SLC24A1: variants seen among roughly 807,000 people sequenced by gnomAD.
SLC24A1 encodes solute carrier family 24 member 1.
In SLC24A1, 52 loss-of-function variants were observed where a neutral mutation model predicts 88.1. The ratio of observed to expected loss-of-function variants is 0.59; its 90% CI spans 0.47 to 0.74. The LOEUF (loss-of-function observed/expected upper bound fraction) is 0.74. Among genes scored for constraint, SLC24A1 ranks in the 30% least tolerant of loss-of-function variants. SLC24A1 has a pLI of 0.00. For missense variants in SLC24A1, 1,173 were observed against 1,363.3 expected (o/e 0.86, Z 2.20); for synonymous variants, 455 against 498.0 (o/e 0.91, Z 1.15).
At position 65,652,701 on chromosome 15, in the gene SLC24A1, C is replaced by G. The variant is rs746274356; in HGVS notation, c.2943C>G (p.Gly981=). The change falls in exon 9 of 10, where the codon GGC becomes GGG. Residue 981 remains glycine (G), a synonymous_variant. Transcript: ENST00000261892. ...EIMGLTILAA[G]TSIPDLITSV... is the part of the protein sequence containing the mutation. ...TGGGCCTGACAATCCTTGCAGCAGG[C>G]ACATCAATTCCTGACCTCATCACCA... 9 of 1,613,862 alleles carry G rather than the reference C, an allele frequency of 5.6e-6. No homozygotes were observed. Among genetic ancestry groups the G allele is most frequent in the South Asian group, 2.2e-5 (2 of 91,084 alleles).
Position 65,625,273 on chromosome 15 carries a change from A to G in SLC24A1, c.1193A>G (p.Lys398Arg). ...TMQVHHCVVVKPTPAMLTTPS... is the reference protein window; with the variant it reads ...TMQVHHCVVVRPTPAMLTTPS... ...CAGGTCCATCACTGTGTGGTTGTGA[A>G]GCCAACCCCAGCCATGCTCACCACT... Residue 398 changes from lysine (K) to arginine (R), a missense_variant, in exon 2 of 10, where the codon AAG (lysine) becomes AGG (arginine). Coordinates refer to ENST00000261892, the MANE Select transcript of SLC24A1 (RefSeq NM_004727.3). 1 of 1,613,894 alleles carries G rather than the reference A, an allele frequency of 6.2e-7. No individual in the cohort carries two copies. The highest frequency in any genetic ancestry group is 1.3e-5 in the African/African-American group (1 of 75,018).
intron 8 of SLC24A1, chr15:65,652,407 T>A (rs546464200): frequency 2.2e-6 from 1 of 454,628 alleles, no homozygotes; most frequent in African/African-American, 2.0e-5. Flanking sequence ...TAACTTTTAG[T>A]CCAATTGTGA....
rs913420951 is a variant in SLC24A1, at chr15:65,652,493, G to A, written c.2884-149G>A. On this transcript the variant is annotated intron_variant, in intron 8 of 9. Transcript: ENST00000261892. The stretch of plus-strand genomic sequence containing the variant: ...CTTCCTCTCTGTGGCCATCTCAGCT[G>A]TCGGTCCCCCTATCACCCTTCCTCA... 25 of 616,306 alleles carry A rather than the reference G, an allele frequency of 4.1e-5. No individual in the cohort carries two copies. In the East Asian group the frequency reaches 6.8e-4, roughly 17 times the overall value. 38.2% of individuals were successfully genotyped at this position (616,306 alleles called of 1,614,324 possible).
At chr15:65,639,530 T>C in intron 3 of SLC24A1, 65 bp from the exon 4 acceptor site, 1 of 969,862 alleles carries the variant, frequency 1.0e-6, no homozygotes, top group Non-Finnish European at 1.6e-6. Flanking sequence ...AGGTTAGTGA[T>C]GCCCTCGTGT....
At chr15:65,652,919 T>C in intron 9 of SLC24A1, 111 bp downstream of exon 9, 1 of 846,552 alleles carries the variant, frequency 1.2e-6, no homozygotes, top group Middle Eastern at 2.4e-4. Flanking sequence ...TAAAAGGGCA[T>C]TTATATTGTT....
chr15:65,623,800 G>C, intron 1 of SLC24A1, among the ~76,000 whole-genome samples, 155 bp from the exon 2 acceptor site: 1 of 152,122 alleles, frequency 6.6e-6, no homozygotes, highest in African/African-American at 2.4e-5. Context: ...TTTTCCTCTG[G>C]AGCAGGGGGC....
At chr15:65,642,206 G>C (rs2075152195) in intron 4 of SLC24A1, among the ~76,000 whole-genome samples, 1 of 152,192 alleles carries the variant, frequency 6.6e-6, no homozygotes, top group Admixed American at 6.5e-5. Context: ...TTGTGTTTTT[G>C]TATGCTGTTT....
chr15:65,623,624 A>C (rs1402449517), intron 1 of SLC24A1, among the ~76,000 whole-genome samples: 3 of 152,144 alleles, frequency 2.0e-5, no homozygotes, highest in Non-Finnish European at 2.9e-5. Flanking sequence ...AGCTCCCAGG[A>C]TCTTAGGCTT....
intron 6 of SLC24A1, among the ~76,000 whole-genome samples, chr15:65,648,545 G>A (rs1469189472): frequency 6.6e-6 from 1 of 150,804 alleles, no homozygotes; most frequent in African/African-American, 2.4e-5. Flanking sequence ...GCAGTGACAC[G>A]ATCTCAGCTC....
intron 9 of SLC24A1, chr15:65,653,068 C>G (rs1401964695): frequency 6.5e-6 from 2 of 308,856 alleles, no homozygotes; most frequent in Non-Finnish European, 1.2e-5. Context: ...ATTCCATTAC[C>G]AAATACCGTC....
chr15:65,618,223 G>GTA (rs1450263003), upstream of SLC24A1, among the ~76,000 whole-genome samples: 1 of 151,992 alleles, frequency 6.6e-6, no homozygotes, highest in African/African-American at 2.4e-5. Context: ...ACGTATGTAT[G>GTA]TATATATGTG....
intron 5 of SLC24A1, among the ~76,000 whole-genome samples, chr15:65,645,368 A>G (rs139381536): frequency 4.5e-4 from 69 of 152,318 alleles, no homozygotes; most frequent in African/African-American, 1.6e-3. Context: ...GCCAGGATGG[A>G]TATGTCTGTG....
At position 65,625,266 on chromosome 15, in the gene SLC24A1, G is replaced by T; in HGVS notation, c.1186G>T (p.Val396Phe). The T allele has an allele frequency of 6.2e-7, 1 of 1,613,926 alleles. No individual in the cohort carries two copies. Among genetic ancestry groups the T allele is most frequent in the Non-Finnish European group, 8.5e-7 (1 of 1,179,868 alleles). Residue 396 changes from valine to phenylalanine, a missense_variant, in exon 2 of 10, where the codon GTT becomes TTT. Val to Phe is a conservative substitution (Grantham distance 50). Coordinates refer to ENST00000261892, the MANE Select transcript of SLC24A1 (RefSeq NM_004727.3). ...KLTMQVHHCV[V>F]VKPTPAMLTT... Reference sequence around the variant, plus strand: ...GACCATGCAGGTCCATCACTGTGTGGTTGTGAAGCCAACCCCAGCCATGCT... The same window carrying T: ...GACCATGCAGGTCCATCACTGTGTGTTTGTGAAGCCAACCCCAGCCATGCT...
Position 65,624,012 on chromosome 15 carries a change from G to A in SLC24A1, c.-69G>A. The A allele has an allele frequency of 4.3e-6, 6 of 1,404,358 alleles. No homozygotes were observed. The highest frequency in any genetic ancestry group is 5.8e-6 in the Non-Finnish European group (6 of 1,035,332). The allele number at this position is 1,404,358 out of a possible 1,614,324, so 87.0% of individuals were successfully genotyped here. A position where few individuals can be genotyped will look rare whatever the true frequency, so the allele number is the denominator to read the frequency against. On this transcript the variant is annotated 5_prime_UTR_variant, in exon 2 of 10. Coordinates refer to ENST00000261892, the MANE Select transcript of SLC24A1 (RefSeq NM_004727.3). ...AGAAATCTTCTCTGATCACCAACCT[G>A]AATCCCAGAGTAGCCTCCATCTTAG...
intron 4 of SLC24A1, chr15:65,642,916 C>T (rs903273470): frequency 3.5e-5 from 34 of 972,616 alleles, no homozygotes; most frequent in Non-Finnish European, 4.1e-5. Flanking sequence ...CCTCTCAGTC[C>T]GTCTGTATTA....
rs2141647556 is a variant in SLC24A1, at chr15:65,644,360, A to C, written c.2054-67A>C. The C allele has an allele frequency of 2.6e-6, 3 of 1,141,348 alleles. No homozygotes were observed. The East Asian group carries it at 7.7e-5, about 29-fold the overall frequency. The allele number at this position is 1,141,348 out of a possible 1,614,324, so 70.7% of individuals were successfully genotyped here. ...TCTGGCTGCTCAGCTGACTGTCCTA[A>C]CTGAAAGGGCGTGGCAGGGATGATC... On this transcript the variant is annotated intron_variant, in intron 4 of 9. Coordinates refer to ENST00000261892, the MANE Select transcript of SLC24A1 (RefSeq NM_004727.3).
In SLC24A1 at chr15:65,651,713, T is replaced by C. The variant is rs2075513039; in HGVS notation, c.2837T>C (p.Met946Thr). The change falls in exon 8 of 10, where the codon ATG becomes ACG. Residue 946 changes from methionine (M) to threonine (T), a missense_variant. Physicochemically the swap from Met to Thr is moderately conservative, Grantham distance 81. Coordinates refer to ENST00000261892, the MANE Select transcript of SLC24A1 (RefSeq NM_004727.3). ...FFVFTFLGSI[M>T]WIAMFSYLMV... ...GTTTTCACCTTCCTGGGATCTATCA[T>C]GTGGATAGCCATGTTCTCATACCTC... 6.2e-7 allele frequency: 1 copy of C among 1,611,274 alleles called. No individual in the cohort carries two copies. Among genetic ancestry groups the C allele is most frequent in the Non-Finnish European group, 8.5e-7 (1 of 1,177,530 alleles).
intron 6 of SLC24A1, among the ~76,000 whole-genome samples, chr15:65,647,905 G>C (rs975650578): frequency 2.6e-5 from 4 of 152,082 alleles, no homozygotes; most frequent in Non-Finnish European, 5.9e-5. Flanking sequence ...AAATGACCAG[G>C]CCCCACCCTC....
Position 65,630,513 on chromosome 15 carries a change from A to G in SLC24A1, c.1890+4543A>G, listed in dbSNP as rs189385980. 9.2e-5 allele frequency among the ~76,000 whole-genome samples: 14 copies of G among 152,190 alleles called. No homozygotes were observed. The East Asian group carries it at 2.3e-3, about 25-fold the overall frequency. ...CCCTGCCTCTGTGGGTCCTGCCTACACTAGACTCCAGGGAACTCACTGTGC... is the reference window on the plus strand; with the variant it reads ...CCCTGCCTCTGTGGGTCCTGCCTACGCTAGACTCCAGGGAACTCACTGTGC... On this transcript the variant is annotated intron_variant, in intron 2 of 9. Transcript: ENST00000261892.
Sources: gnomAD v4.1 joint callset for allele counts (sites outside exome capture counted in the v4.1 genomes callset) on GRCh38, gnomAD v4.1.1 for gene constraint, MANE v1.5 for transcripts, NCBI Gene and HGNC (gene_info 2026-07-23, HGNC 2026-07-21) for gene names.